ICAM2: variants seen among roughly 807,000 people sequenced by gnomAD.
ICAM2 encodes the protein ICAM-2.
In ICAM2, 14 loss-of-function variants were observed where a neutral mutation model predicts 19.1. The ratio of observed to expected loss-of-function variants is 0.73; its 90% CI spans 0.48 to 1.15. ICAM2 has a LOEUF of 1.15. Ranked by LOEUF, ICAM2 falls within the 50% of genes most tolerant of loss-of-function variation. The pLI is 0.00. For synonymous variants in ICAM2, 153 were observed against 152.7 expected, an observed-to-expected ratio of 1.00 and a Z score of -0.01; for missense variants, 311 against 355.4, an observed-to-expected ratio of 0.88 and a Z score of 1.00.
chr17:64,017,866 A>AG (rs1472672272), intron 1 of ICAM2, among the ~76,000 whole-genome samples: 1 of 152,210 alleles, frequency 6.6e-6, no homozygotes, highest in East Asian at 1.9e-4. Flanking sequence ...AACCATATAG[A>AG]GAAAAAAAGG....
At chr17:64,015,697 G>A (rs1911694514) in intron 1 of ICAM2, among the ~76,000 whole-genome samples, 1 of 152,018 alleles carries the variant, frequency 6.6e-6, no homozygotes, top group African/African-American at 2.4e-5. Context: ...CCGAGATTAC[G>A]CCACTGTACT....
At position 64,003,970 on chromosome 17, in the gene ICAM2, G is replaced by T. The variant is rs368547439; in HGVS notation, c.329-6C>A. 14 of 1,601,880 alleles carry T rather than the reference G, an allele frequency of 8.7e-6. No homozygotes were observed. Among genetic ancestry groups the T allele is most frequent in the Non-Finnish European group, 1.2e-5 (14 of 1,174,014 alleles). On this transcript the variant is annotated splice_region_variant and splice_polypyrimidine_tract_variant and intron_variant, in intron 3 of 4. Coordinates refer to ENST00000579788, the MANE Select transcript of ICAM2 (RefSeq NM_001099789.2). Reference sequence around the variant, plus strand: ...GATGACCTGCCTTGGAGGCTCTGCAGGGGACAAAGGAGGGAGGTCTGGTCA... The same window carrying T: ...GATGACCTGCCTTGGAGGCTCTGCATGGGACAAAGGAGGGAGGTCTGGTCA...
rs1169331312 is a variant in ICAM2 at position 64,014,678 on chromosome 17, AAAGGAAGGAAGG to A, written c.-45+5833_-45+5844del. On this transcript the variant is annotated intron_variant, in intron 1 of 4. Transcript: ENST00000579788. ...GAAAGGAAGAAAGAGAGAAAGAAAG[AAAGGAAGGAAGG>A]AAGGAAGGAAGGAAGGAAGGAAGGA... 3.4e-3 allele frequency among the ~76,000 whole-genome samples: 446 copies of A among 130,196 alleles called. 5 individuals are homozygous for A. Among genetic ancestry groups the A allele is most frequent in the African/African-American group, 0.012 (402 of 33,338 alleles). 85.4% of individuals were successfully genotyped at this position (130,196 alleles called of 152,430 possible).
In ICAM2 at chr17:64,002,743, G is replaced by A. The variant is rs759745825; in HGVS notation, c.*4C>T. 1 of 1,610,132 alleles carries A rather than the reference G, an allele frequency of 6.2e-7. No individual in the cohort carries two copies. The highest frequency in any genetic ancestry group is 2.2e-5 in the East Asian group (1 of 44,864). On this transcript the variant is annotated 3_prime_UTR_variant, in exon 5 of 5. Transcript: ENST00000579788. ...CGTGGTGGTGGCCATGCCACTCATG[G>A]TTGCTATGGCCGGAAGGCCTGGGGC... is the stretch of plus-strand genomic sequence containing the variant.
intron 1 of ICAM2, among the ~76,000 whole-genome samples, chr17:64,008,526 C>T (rs1332302224): frequency 1.3e-5 from 2 of 152,178 alleles, no homozygotes; most frequent in African/African-American, 4.8e-5. Flanking sequence ...CTCTCTGAGG[C>T]AGGTACTGTT....
At chr17:64,019,397 G>GTAAATAAATAAA (rs55764211) in intron 1 of ICAM2, among the ~76,000 whole-genome samples, 15 of 148,874 alleles carry the variant, frequency 1.0e-4, no homozygotes, top group East Asian at 1.0e-3. Flanking sequence ...CCCCATCTCA[G>GTAAATAAATAAA]TAAATAAATA....
chr17:64,003,600 A>C (rs1178728569), intron 4 of ICAM2, 44 bp downstream of exon 4: 1 of 1,563,904 alleles, frequency 6.4e-7, no homozygotes, highest in African/African-American at 1.3e-5. Context: ...GAGGGGCTGA[A>C]AGTGACTTAT....
intron 1 of ICAM2, among the ~76,000 whole-genome samples, chr17:64,010,445 C>T: frequency 6.6e-6 from 1 of 151,408 alleles, no homozygotes; most frequent in East Asian, 1.9e-4. Context: ...ATTAGAGTCT[C>T]AGTTTAGAAA....
At chr17:64,020,021 A>G (rs1355238281) in intron 1 of ICAM2, among the ~76,000 whole-genome samples, 1 of 152,130 alleles carries the variant, frequency 6.6e-6, no homozygotes, top group Non-Finnish European at 1.5e-5. Flanking sequence ...CTACGTGCCT[A>G]GAAAGAAGAG....
chr17:64,005,689 G>A (rs1364161495), intron 2 of ICAM2, among the ~76,000 whole-genome samples: 1 of 152,154 alleles, frequency 6.6e-6, no homozygotes, highest in Non-Finnish European at 1.5e-5. Flanking sequence ...CCAACTCCAT[G>A]GAGTGGGATC....
At chr17:64,019,875 C>T (rs889628014) in intron 1 of ICAM2, among the ~76,000 whole-genome samples, 1 of 149,670 alleles carries the variant, frequency 6.7e-6, no homozygotes, top group African/African-American at 2.5e-5. Flanking sequence ...GGTGATACTC[C>T]ATCCTTGTGC....
intron 1 of ICAM2, among the ~76,000 whole-genome samples, chr17:64,009,179 G>A (rs1368075896): frequency 1.3e-5 from 2 of 152,204 alleles, no homozygotes; most frequent in South Asian, 4.1e-4. Flanking sequence ...CACAGTAGGT[G>A]CTTCATCATT....
chr17:64,006,758 G>T, intron 1 of ICAM2, 23 bp from the exon 2 acceptor site: 1 of 1,431,016 alleles, frequency 7.0e-7, no homozygotes, highest in Non-Finnish European at 9.8e-7. Context: ...GGTGGGCGCA[G>T]GTCTGAGCTA....
rs142308298 is a variant in ICAM2 at position 64,010,148 on chromosome 17, T to G, written c.-44-3413A>C. 4.3e-3 allele frequency among the ~76,000 whole-genome samples: 653 copies of G among 152,284 alleles called. 3 individuals are homozygous for G. Among genetic ancestry groups the G allele is most frequent in the African/African-American group, 0.015 (621 of 41,556 alleles). On this transcript the variant is annotated intron_variant, in intron 1 of 4. Coordinates refer to ENST00000579788, the MANE Select transcript of ICAM2 (RefSeq NM_001099789.2). ...TCCTCATTTGGCACCCCGGGATCAT[T>G]AAACTTTTTCTCTGCAGGAAACCCT...
intron 2 of ICAM2, 73 bp from the exon 3 acceptor site, chr17:64,005,446 G>A (rs1911142485): frequency 2.6e-6 from 4 of 1,520,584 alleles, no homozygotes; most frequent in Admixed American, 1.8e-5. Context: ...TGTCCATTGA[G>A]GCAGTCTGGC....
rs956528016 is a variant in ICAM2, at chr17:64,006,564, G to A, written c.61+67C>T. 32 of 1,393,994 alleles carry A rather than the reference G, an allele frequency of 2.3e-5. No individual in the cohort carries two copies. The African/African-American group carries it at 4.6e-4, about 20-fold the overall frequency. The allele number at this position is 1,393,994 out of a possible 1,614,324, so 86.4% of individuals were successfully genotyped here. On this transcript the variant is annotated intron_variant, in intron 2 of 4. Transcript: ENST00000579788. ...ACTTCTCTTCCACCTGAAGCCACAG[G>A]GAACAGGGCACCCCCACCCTCTCGG... is the stretch of plus-strand genomic sequence containing the variant.
chr17:64,019,816 TCA>T (rs1491161087), intron 1 of ICAM2, among the ~76,000 whole-genome samples: 2 of 22,988 alleles, frequency 8.7e-5, no homozygotes, highest in African/African-American at 2.8e-4. Context: ...AAACTCTGTC[TCA>T]AAAAAAAAAA....
At chr17:64,014,470 A>C (rs1234834127) in intron 1 of ICAM2, among the ~76,000 whole-genome samples, 1 of 145,250 alleles carries the variant, frequency 6.9e-6, no homozygotes, top group African/African-American at 2.6e-5. Flanking sequence ...AGAGAGGGGA[A>C]GGAAGGAAGG....
At chr17:64,013,120 G>A (rs561915706) in intron 1 of ICAM2, among the ~76,000 whole-genome samples, 21 of 152,060 alleles carry the variant, frequency 1.4e-4, no homozygotes, top group African/African-American at 2.9e-4. Context: ...CGAGACCAGC[G>A]TGGCCAACAT....
Sources: allele counts gnomAD v4.1 joint callset (sites outside exome capture counted in the v4.1 genomes callset), GRCh38; gene constraint gnomAD v4.1.1; transcripts MANE v1.5; gene names NCBI Gene and HGNC (gene_info 2026-07-23, HGNC 2026-07-21).